Variants in UGT2B7 observed in about 807,000 individuals in gnomAD.
The protein encoded by UGT2B7 is UDP glucuronosyltransferase family 2 member B7.
In UGT2B7, 51 loss-of-function variants were observed where a neutral mutation model predicts 51.9. The ratio of observed to expected loss-of-function variants is 0.98; its 90% confidence interval spans 0.78 to 1.24. The LOEUF (loss-of-function observed/expected upper bound fraction) is 1.24, where lower values mean the gene tolerates loss of function less well. UGT2B7 is among the 50% of genes most tolerant of loss of function. UGT2B7 has a pLI of 0.00. For missense variants in UGT2B7, 727 were observed against 628.4 expected (o/e 1.16, Z -1.68); for synonymous variants, 225 against 211.6 (o/e 1.06, Z -0.55).
chr4:69,107,106 A>T (rs1577926866), intron 3 of UGT2B7, 69 bp from the exon 4 acceptor site: 10 of 1,499,950 alleles, frequency 6.7e-6, no homozygotes, highest in African/African-American at 5.5e-5. Context: ...CCTACTCTTT[A>T]TACAGTTCTC....
intron 1 of UGT2B7, among the ~76,000 whole-genome samples, chr4:69,065,100 A>G (rs1184383338): frequency 6.6e-6 from 1 of 150,772 alleles, no homozygotes; most frequent in African/African-American, 2.5e-5. Context: ...GTAGGTATCG[A>G]AAAAAAAATT....
chr4:69,106,278 T>G (rs7698846), intron 3 of UGT2B7, among the ~76,000 whole-genome samples: 2 of 151,832 alleles, frequency 1.3e-5, no homozygotes, highest in East Asian at 1.9e-4. Context: ...TACACCACAG[T>G]GTATGTTGTT....
At chr4:69,064,070 A>AAG (rs1297505470) in intron 1 of UGT2B7, among the ~76,000 whole-genome samples, 6 of 108,170 alleles carry the variant, frequency 5.5e-5, no homozygotes, top group Middle Eastern at 4.8e-3. Context: ...GAAAGAAAGA[A>AAG]AGAAAGAAAG....
At chr4:69,088,612 A>T (rs1250011377) in intron 1 of UGT2B7, among the ~76,000 whole-genome samples, 3 of 152,158 alleles carry the variant, frequency 2.0e-5, no homozygotes, top group African/African-American at 7.2e-5. Flanking sequence ...CCAAAGATTC[A>T]GGCCTTCCTT....
intron 2 of UGT2B7, chr4:69,089,691 G>T (rs938615690): frequency 6.6e-6 from 1 of 152,154 alleles, no homozygotes; most frequent in African/African-American, 2.4e-5. Context: ...CTCATTTTCT[G>T]CTTTGCATTA....
chr4:69,065,511 A>G (rs1718463420), intron 1 of UGT2B7, among the ~76,000 whole-genome samples: 1 of 152,196 alleles, frequency 6.6e-6, no homozygotes, highest in Non-Finnish European at 1.5e-5. Flanking sequence ...CTATTTTTAC[A>G]TATAAATCAT....
At chr4:69,110,502 T>C (rs778346347) in intron 5 of UGT2B7, among the ~76,000 whole-genome samples, 1 of 151,966 alleles carries the variant, frequency 6.6e-6, no homozygotes, top group Non-Finnish European at 1.5e-5. Context: ...ATCAATATTG[T>C]CCAAAAATTG....
At chr4:69,109,515 C>A (rs567990592) in intron 5 of UGT2B7, among the ~76,000 whole-genome samples, 1 of 152,228 alleles carries the variant, frequency 6.6e-6, no homozygotes, top group African/African-American at 2.4e-5. Context: ...TACGTGCCTA[C>A]TGATCATTCA....
At chr4:69,103,557 T>C (rs756796174) in intron 3 of UGT2B7, among the ~76,000 whole-genome samples, 6 of 152,196 alleles carry the variant, frequency 3.9e-5, no homozygotes, top group Non-Finnish European at 8.8e-5. Flanking sequence ...AAATGGTGCT[T>C]AATGTAGTCT....
chr4:69,112,353 G>T, intron 5 of UGT2B7, 104 bp from the exon 6 acceptor site: 1 of 1,448,054 alleles, frequency 6.9e-7, no homozygotes, highest in Non-Finnish European at 9.2e-7. Context: ...GAGTCTTGCC[G>T]ATGCTCCCAG....
rs866311576 is a variant in UGT2B7, at chr4:69,097,670, T to C, written c.721+429T>C. ...TTTTTCTTGTAAACTTGTTTTCTTA[T>C]TTAGAAATCAAAAGATGTTCCCATA... On this transcript the variant is annotated intron_variant, in intron 1 of 5. Transcript: ENST00000305231. 2.0e-5 allele frequency among the ~76,000 whole-genome samples: 3 copies of C among 152,220 alleles called. No homozygotes were observed. The South Asian group carries it at 6.2e-4, about 32-fold the overall frequency.
In UGT2B7 at chr4:69,085,963, G is replaced by A. The variant is rs534391630; in HGVS notation, c.-158-3509G>A. On this transcript the variant is annotated intron_variant, in intron 1 of 5. Transcript: ENST00000502942. ...TTAAATTTTACGTATTCAATAAACC[G>A]TTTTGTCTTGTTGATTTTTAAATAT... is the stretch of plus-strand genomic sequence containing the variant. Among the ~76,000 whole-genome samples, 6 of 151,338 alleles carry A rather than the reference G, an allele frequency of 4.0e-5. No individual in the cohort carries two copies. The East Asian group carries it at 7.8e-4, about 20-fold the overall frequency.
rs1719674364 is a variant in UGT2B7, at chr4:69,108,319, C to T, written c.1307C>T (p.Pro436Leu). ...GCATTGAAGAGAGTAATTAATGATC[C>T]TTCGTGAGTAGAACAATATTTTTCA... is the stretch of plus-strand genomic sequence containing the variant. The part of the protein sequence containing the change: ...LNALKRVIND[P>L]SYKENVMKLS... The change falls in exon 5 of 6, where the codon CCT becomes CTT. Residue 436 changes from proline (P) to leucine (L), a missense_variant. Physicochemically the swap from Pro to Leu is moderately conservative, Grantham distance 98. Coordinates refer to ENST00000305231, the MANE Select transcript of UGT2B7 (RefSeq NM_001074.4). 6.2e-7 allele frequency: 1 copy of T among 1,613,194 alleles called. No homozygotes were observed. Among genetic ancestry groups the T allele is most frequent in the African/African-American group, 1.3e-5 (1 of 74,984 alleles).
chr4:69,079,731 G>A (rs2109872976), intron 1 of UGT2B7, among the ~76,000 whole-genome samples: 1 of 152,010 alleles, frequency 6.6e-6, no homozygotes, highest in South Asian at 2.1e-4. Flanking sequence ...TACCTGCTTG[G>A]CCTCTCCGGA....
rs143827364 is a variant in UGT2B7, at chr4:69,061,837, T to G, written c.-159+10235T>G. Among the ~76,000 whole-genome samples, 444 of 152,316 alleles carry G rather than the reference T, an allele frequency of 2.9e-3. 1 individual carries two copies. Among genetic ancestry groups the G allele is most frequent in the African/African-American group, 0.01 (422 of 41,568 alleles). ...GCTATGCCCTGTGAAAACCTGCTTA[T>G]GGACTTCTCCGAATTGCCCCAAGCA... On this transcript the variant is annotated intron_variant, in intron 1 of 5. Coordinates refer to the UGT2B7 transcript ENST00000502942.
chr4:69,103,754 T>C (rs1171041901), intron 3 of UGT2B7, among the ~76,000 whole-genome samples: 3 of 152,196 alleles, frequency 2.0e-5, no homozygotes, highest in Non-Finnish European at 2.9e-5. Context: ...CTGGAAGCTC[T>C]TGGTGAATGT....
At chr4:69,100,267 C>A (rs781710247) in intron 2 of UGT2B7, among the ~76,000 whole-genome samples, 1 of 151,846 alleles carries the variant, frequency 6.6e-6, no homozygotes, top group Non-Finnish European at 1.5e-5. Context: ...ATAATTTATA[C>A]CACTTGTATC....
At chr4:69,066,836 A>AAC (rs1718492649) in intron 1 of UGT2B7, among the ~76,000 whole-genome samples, 1 of 151,956 alleles carries the variant, frequency 6.6e-6, no homozygotes, top group South Asian at 2.1e-4. Context: ...GATGTTGCAA[A>AAC]TGCAACTGAA....
At chr4:69,087,894 T>G (rs907372986) in intron 1 of UGT2B7, among the ~76,000 whole-genome samples, 1 of 152,028 alleles carries the variant, frequency 6.6e-6, no homozygotes, top group Non-Finnish European at 1.5e-5. Flanking sequence ...ATTTGCCTTT[T>G]AACAATTTAA....
Sources: allele counts gnomAD v4.1 joint callset (sites outside exome capture counted in the v4.1 genomes callset), GRCh38; gene constraint gnomAD v4.1.1; transcripts MANE v1.5; gene names NCBI Gene and HGNC (gene_info 2026-07-23, HGNC 2026-07-21).